Variants in GPC6 observed in about 807,000 individuals in gnomAD.
The protein encoded by GPC6 is glypican-6.
GPC6 carries 14 observed loss-of-function variants against 55.2 expected under a neutral mutation model. That is an observed-to-expected ratio of 0.25 (90% CI 0.17 to 0.40). The LOEUF is 0.40. GPC6 is among the 10% of genes least tolerant of loss of function. GPC6 has a pLI of 1.00. For missense variants in GPC6, 641 were observed against 708.5 expected (o/e 0.90, Z 1.08); for synonymous variants, 278 against 259.6 (o/e 1.07, Z -0.68).
At chr13:93,333,295 G>A (rs1382226244) in intron 1 of GPC6, among the ~76,000 whole-genome samples, 1 of 151,978 alleles carries the variant, frequency 6.6e-6, no homozygotes, top group Non-Finnish European at 1.5e-5. Flanking sequence ...TAGGTAGAAT[G>A]GATATTTTAA....
At chr13:93,672,806 T>C (rs184390401) in intron 2 of GPC6, among the ~76,000 whole-genome samples, 160 of 152,124 alleles carry the variant, frequency 1.1e-3, no homozygotes, top group African/African-American at 3.6e-3. Flanking sequence ...TTATTGTATT[T>C]GACTAAAAGT....
At chr13:94,230,384 GAGA>G (rs35139026) in intron 4 of GPC6, among the ~76,000 whole-genome samples, 14,333 of 152,062 alleles carry the variant, frequency 0.094, 905 homozygotes, top group Middle Eastern at 0.16. Context: ...AAAGAAATGG[GAGA>G]AGAACAGATC....
intron 2 of GPC6, among the ~76,000 whole-genome samples, chr13:93,576,408 A>T (rs1186556574): frequency 6.6e-6 from 1 of 152,136 alleles, no homozygotes; most frequent in Non-Finnish European, 1.5e-5. Context: ...AAGATCACAG[A>T]ATTTGGAGGA....
intron 2 of GPC6, among the ~76,000 whole-genome samples, chr13:93,575,377 T>C (rs1876608956): frequency 6.6e-6 from 1 of 152,194 alleles, no homozygotes; most frequent in African/African-American, 2.4e-5. Context: ...ACTCCATGCC[T>C]TTCTTAATGT....
At chr13:93,862,436 C>T (rs764640477) in intron 3 of GPC6, among the ~76,000 whole-genome samples, 6 of 151,482 alleles carry the variant, frequency 4.0e-5, no homozygotes, top group Non-Finnish European at 8.9e-5. Context: ...AGTGGAAAGG[C>T]TTTTAAGTAT....
At chr13:93,267,811 T>G (rs1368161252) in intron 1 of GPC6, among the ~76,000 whole-genome samples, 1 of 152,192 alleles carries the variant, frequency 6.6e-6, no homozygotes, top group African/African-American at 2.4e-5. Flanking sequence ...TTCATCTTCT[T>G]GTAGAAACAA....
intron 3 of GPC6, among the ~76,000 whole-genome samples, chr13:93,932,533 AAG>A (rs1878229412): frequency 6.6e-6 from 1 of 152,362 alleles, no homozygotes; most frequent in South Asian, 2.1e-4. Flanking sequence ...GTCCTTCCAA[AAG>A]AGTGTTATCT....
chr13:94,218,482 C>G (rs1363293485), intron 4 of GPC6, among the ~76,000 whole-genome samples: 1 of 152,116 alleles, frequency 6.6e-6, no homozygotes, highest in Non-Finnish European at 1.5e-5. Context: ...TTGTAGAATC[C>G]CAGTGCACCC....
chr13:94,089,730 C>T (rs954343587), intron 4 of GPC6, among the ~76,000 whole-genome samples: 1 of 152,174 alleles, frequency 6.6e-6, no homozygotes, highest in Non-Finnish European at 1.5e-5. Flanking sequence ...CTTTGTTCAA[C>T]TTAAGCTAGG....
At chr13:94,208,587 C>T (rs1889974693) in intron 4 of GPC6, among the ~76,000 whole-genome samples, 1 of 151,918 alleles carries the variant, frequency 6.6e-6, no homozygotes, top group South Asian at 2.1e-4. Context: ...GTTTAGAAAC[C>T]AAAGTGCAGG....
intron 4 of GPC6, among the ~76,000 whole-genome samples, chr13:94,053,443 G>A (rs1414088938): frequency 6.6e-6 from 1 of 152,106 alleles, no homozygotes; most frequent in African/African-American, 2.4e-5. Flanking sequence ...GGTAGTAATT[G>A]TTAAAATTAT....
chr13:93,349,260 C>CT (rs34884349), intron 1 of GPC6, among the ~76,000 whole-genome samples: 62,385 of 151,622 alleles, frequency 0.41, 14,270 homozygotes, highest in East Asian at 0.91. Flanking sequence ...AACATGTTAG[C>CT]TTTTTTTTCC....
chr13:93,603,866 ATAG>A (rs1878126371), intron 2 of GPC6, among the ~76,000 whole-genome samples: 1 of 152,238 alleles, frequency 6.6e-6, no homozygotes. Flanking sequence ...GAAGAATGCA[ATAG>A]ACATTTATCT....
At chr13:93,856,886 G>A (rs1372548130) in intron 3 of GPC6, among the ~76,000 whole-genome samples, 1 of 151,514 alleles carries the variant, frequency 6.6e-6, no homozygotes, top group African/African-American at 2.4e-5. Flanking sequence ...GGTTAAATAG[G>A]CAAAGCCAAA....
At chr13:94,278,777 G>A (rs951730373) in intron 4 of GPC6, among the ~76,000 whole-genome samples, 1 of 152,180 alleles carries the variant, frequency 6.6e-6, no homozygotes, top group Non-Finnish European at 1.5e-5. Context: ...TGCATCCCAG[G>A]GATGAAGCTG....
At chr13:94,006,609 T>C (rs887533514) in intron 3 of GPC6, among the ~76,000 whole-genome samples, 1 of 152,290 alleles carries the variant, frequency 6.6e-6, no homozygotes, top group East Asian at 1.9e-4. Context: ...AAAGTCAACA[T>C]GGCAGATTAG....
chr13:93,842,789 T>C (rs1048349060), intron 3 of GPC6, among the ~76,000 whole-genome samples: 3 of 152,124 alleles, frequency 2.0e-5, no homozygotes, highest in Admixed American at 1.3e-4. Flanking sequence ...AGGATATTTA[T>C]TTTTTGTTGG....
At chr13:93,919,566 G>A (rs1386220430) in intron 3 of GPC6, among the ~76,000 whole-genome samples, 1 of 152,160 alleles carries the variant, frequency 6.6e-6, no homozygotes, top group Non-Finnish European at 1.5e-5. Context: ...TTGGAGTAAA[G>A]AGCATCAGAA....
intron 4 of GPC6, among the ~76,000 whole-genome samples, chr13:94,098,607 A>C (rs1885747930): frequency 6.6e-6 from 1 of 152,096 alleles, no homozygotes; most frequent in African/African-American, 2.4e-5. Flanking sequence ...AGGACTTCAC[A>C]TTGGTCTCCT....
Sources: allele counts gnomAD v4.1 joint callset (sites outside exome capture counted in the v4.1 genomes callset), GRCh38; gene constraint gnomAD v4.1.1; transcripts MANE v1.5; gene names NCBI Gene and HGNC (gene_info 2026-07-23, HGNC 2026-07-21).